The following PRLR variants were observed in gnomAD, a reference collection of about 807,000 sequenced individuals.
PRLR encodes hPRL receptor.
In PRLR, 13 loss-of-function variants were observed where a neutral mutation model predicts 40.2. The ratio of observed to expected loss-of-function variants is 0.32; its 90% CI spans 0.21 to 0.51. The LOEUF is 0.51. PRLR is among the 20% of genes least tolerant of loss of function. PRLR has a pLI of 0.97. For synonymous variants in PRLR, 269 were observed against 278.7 expected (o/e 0.97, Z 0.35); for missense variants, 656 against 747.3 (o/e 0.88, Z 1.42).
At chr5:35,223,235 C>T (rs1009925603) in intron 1 of PRLR, among the ~76,000 whole-genome samples, 2 of 152,178 alleles carry the variant, frequency 1.3e-5, no homozygotes, top group Non-Finnish European at 2.9e-5. Flanking sequence ...ATTTTATGTC[C>T]CATGATTATG....
At chr5:35,146,816 A>T (rs974908187) in intron 1 of PRLR, among the ~76,000 whole-genome samples, 9 of 152,056 alleles carry the variant, frequency 5.9e-5, no homozygotes, top group Non-Finnish European at 1.0e-4. Context: ...TTGTGCTCTT[A>T]TTTAGCCCTC....
chr5:35,138,391 G>A (rs1773920600), intron 1 of PRLR, among the ~76,000 whole-genome samples: 2 of 152,186 alleles, frequency 1.3e-5, no homozygotes, highest in African/African-American at 2.4e-5. Flanking sequence ...TGTCATCATG[G>A]TAAAACCACA....
At chr5:35,076,337 G>A (rs1770095094) in intron 5 of PRLR, among the ~76,000 whole-genome samples, 2 of 152,158 alleles carry the variant, frequency 1.3e-5, no homozygotes, top group Non-Finnish European at 2.9e-5. Flanking sequence ...AAACAGCATA[G>A]AGAAGACCTT....
intron 1 of PRLR, among the ~76,000 whole-genome samples, chr5:35,152,372 A>T (rs796408584): frequency 8.5e-5 from 13 of 152,344 alleles, no homozygotes; most frequent in African/African-American, 3.1e-4. Flanking sequence ...TTTATGTTTC[A>T]GAAATAGGTG....
rs753581298 is a variant in PRLR at position 35,059,040 on chromosome 5, C to T, written c.*6049G>A. On this transcript the variant is annotated 3_prime_UTR_variant, in exon 10 of 10. Coordinates refer to ENST00000618457, the MANE Select transcript of PRLR (RefSeq NM_000949.7). ...CTTCGCCATATAGTTTTTCAGATAA[C>T]GTGGAAAAAAGATTTTTCCCCCAGG... The T allele has an allele frequency of 3.2e-4, 49 of 152,004 alleles. No homozygotes were observed. The highest frequency in any genetic ancestry group is 5.9e-4 in the Admixed American group (9 of 15,252). The allele number at this position is 152,004 out of a possible 1,614,324, so 9.4% of individuals were successfully genotyped here. A position where few individuals can be genotyped will look rare whatever the true frequency, so the allele number is the denominator to read the frequency against.
intron 1 of PRLR, among the ~76,000 whole-genome samples, chr5:35,120,636 G>A (rs1312575074): frequency 6.6e-6 from 1 of 152,152 alleles, no homozygotes; most frequent in Non-Finnish European, 1.5e-5. Context: ...AGTATTGTGT[G>A]TCAGTCAAAG....
chr5:35,194,673 A>G (rs893685314), intron 1 of PRLR, among the ~76,000 whole-genome samples: 3 of 152,216 alleles, frequency 2.0e-5, no homozygotes, highest in African/African-American at 7.2e-5. Context: ...CAGTCAGAAA[A>G]GACTACATTC....
intron 1 of PRLR, among the ~76,000 whole-genome samples, chr5:35,171,019 C>A (rs1376762162): frequency 6.7e-6 from 1 of 149,658 alleles, no homozygotes; most frequent in African/African-American, 2.5e-5. Flanking sequence ...TTCCTCTTTT[C>A]CGGCTTGTTT....
chr5:35,227,408 TG>T (rs1448094226), intron 1 of PRLR, among the ~76,000 whole-genome samples: 1 of 152,054 alleles, frequency 6.6e-6, no homozygotes, highest in East Asian at 1.9e-4. Flanking sequence ...GGTGTGGGGT[TG>T]GGGGGTGTAT....
chr5:35,106,589 A>G (rs1579660823), intron 2 of PRLR, among the ~76,000 whole-genome samples: 1 of 152,208 alleles, frequency 6.6e-6, no homozygotes, highest in African/African-American at 2.4e-5. Context: ...ACTCTCTGAG[A>G]AAACAGACTT....
Position 35,179,427 on chromosome 5 carries a change from G to A in PRLR, c.-106+50841C>T, listed in dbSNP as rs550929472. On this transcript the variant is annotated intron_variant, in intron 1 of 9. Transcript: ENST00000618457. ...ACTGATTGCTAGCTACAGGCCACGC[G>A]AATAAGGCAGTTGTGGTAATAGATG... is the stretch of plus-strand genomic sequence containing the variant. Among the ~76,000 whole-genome samples the A allele has an allele frequency of 5.3e-5, 8 of 152,218 alleles. No individual in the cohort carries two copies. The East Asian group carries it at 5.8e-4, about 11-fold the overall frequency.
At chr5:35,090,166 G>C (rs1771110730) in intron 2 of PRLR, among the ~76,000 whole-genome samples, 1 of 152,168 alleles carries the variant, frequency 6.6e-6, no homozygotes, top group Non-Finnish European at 1.5e-5. Flanking sequence ...AAGCTGAGAA[G>C]GTTCTGGAAG....
At chr5:35,212,674 C>T (rs1776200440) in intron 1 of PRLR, among the ~76,000 whole-genome samples, 2 of 152,034 alleles carry the variant, frequency 1.3e-5, no homozygotes, top group African/African-American at 4.8e-5. Context: ...ATATAGAAGC[C>T]TATTCCATTG....
At chr5:35,112,488 C>A (rs1772721957) in intron 2 of PRLR, among the ~76,000 whole-genome samples, 1 of 151,918 alleles carries the variant, frequency 6.6e-6, no homozygotes. Context: ...GAGTGGTAAA[C>A]CGGGAAAGAG....
rs2112352842 is a variant in PRLR at position 35,061,580 on chromosome 5, G to C, written c.*3509C>G. 6.6e-6 allele frequency: 1 copy of C among 152,232 alleles called. No individual in the cohort carries two copies. The highest frequency in any genetic ancestry group is 1.5e-5 in the Non-Finnish European group (1 of 68,014). The allele number at this position is 152,232 out of a possible 1,614,324, so 9.4% of individuals were successfully genotyped here. A position where few individuals can be genotyped will look rare whatever the true frequency, so the allele number is the denominator to read the frequency against. On this transcript the variant is annotated 3_prime_UTR_variant, in exon 10 of 10. Coordinates refer to ENST00000618457, the MANE Select transcript of PRLR (RefSeq NM_000949.7). ...AGGCACTTAGGAAAATGTAGAGTCT[G>C]TTATATAGCTAATAAATGTAGGATC...
chr5:35,075,182 T>C (rs1769998131), intron 5 of PRLR, among the ~76,000 whole-genome samples: 1 of 152,268 alleles, frequency 6.6e-6, no homozygotes, highest in East Asian at 1.9e-4. Context: ...TTCATCTCAC[T>C]GGGGCTTGTT....
chr5:35,066,589 TCTC>T, intron 9 of PRLR, among the ~76,000 whole-genome samples: 1 of 151,310 alleles, frequency 6.6e-6, no homozygotes. Flanking sequence ...CCCCTTCCCT[TCTC>T]CTCCCTCTTC....
chr5:35,215,163 G>C (rs1776255342), intron 1 of PRLR, among the ~76,000 whole-genome samples: 1 of 152,154 alleles, frequency 6.6e-6, no homozygotes, highest in Admixed American at 6.5e-5. Context: ...TGTCTTATTG[G>C]CTGTCATGTG....
intron 1 of PRLR, among the ~76,000 whole-genome samples, chr5:35,187,370 C>T (rs1020810712): frequency 2.0e-5 from 3 of 151,656 alleles, no homozygotes; most frequent in African/African-American, 7.3e-5. Context: ...CACTGCACTC[C>T]AGCCTGGGTG....
Sources: allele counts gnomAD v4.1 joint callset (sites outside exome capture counted in the v4.1 genomes callset), GRCh38; gene constraint gnomAD v4.1.1; transcripts MANE v1.5; gene names NCBI Gene and HGNC (gene_info 2026-07-23, HGNC 2026-07-21).